The following PRICKLE2 variants were observed in gnomAD, a reference collection of about 807,000 sequenced individuals.
The protein encoded by PRICKLE2 is prickle-like protein 2.
PRICKLE2 carries 21 observed loss-of-function variants against 81.4 expected under a neutral mutation model. The observed-to-expected ratio is 0.26, with a 90% CI of 0.18 to 0.37. The LOEUF (loss-of-function observed/expected upper bound fraction) is 0.37, where lower values mean the gene tolerates loss of function less well. PRICKLE2 is among the 10% of genes least tolerant of loss of function. PRICKLE2 has a pLI of 1.00. For synonymous variants in PRICKLE2, 456 were observed against 421.5 expected (o/e 1.08, Z -1.00); for missense variants, 940 against 1,109.0 (o/e 0.85, Z 2.16).
intron 1 of PRICKLE2, among the ~76,000 whole-genome samples, chr3:64,204,407 T>C (rs2107125407): frequency 6.6e-6 from 1 of 152,300 alleles, no homozygotes; most frequent in Non-Finnish European, 1.5e-5. Flanking sequence ...AAGTGGCTTG[T>C]AAGCAGTTAA....
At chr3:64,214,179 A>G (rs745977184) in intron 1 of PRICKLE2, among the ~76,000 whole-genome samples, 2 of 152,162 alleles carry the variant, frequency 1.3e-5, no homozygotes, top group Non-Finnish European at 2.9e-5. Flanking sequence ...GATTCTGGCA[A>G]TGGTCACACC....
chr3:64,199,982 G>A (rs754107329), intron 1 of PRICKLE2: 2 of 152,156 alleles, frequency 1.3e-5, no homozygotes, highest in Non-Finnish European at 2.9e-5. Context: ...GCTTTGTGAA[G>A]ATACAATGTA....
intron 7 of PRICKLE2, among the ~76,000 whole-genome samples, chr3:64,121,159 A>G (rs1169181874): frequency 6.6e-6 from 1 of 152,152 alleles, no homozygotes; most frequent in East Asian, 1.9e-4. Context: ...CAGGGCCCTC[A>G]AATCTCTTTC....
chr3:64,175,004 G>T, intron 2 of PRICKLE2: 1 of 167,412 alleles, frequency 6.0e-6, no homozygotes. Flanking sequence ...CTAAAACGTG[G>T]AAGACACCCT....
chr3:64,225,361 C>G lies in PRICKLE2; in HGVS notation c.-492G>C. On this transcript the variant is annotated 5_prime_UTR_variant, in exon 1 of 8. Transcript: ENST00000638394. ...CAGACCCGGGGTGACTAGTCAGCTG[C>G]TCACAGAGCTCAAGCCACTGAACCA... The G allele has an allele frequency of 2.0e-6, 2 of 985,326 alleles. No individual in the cohort carries two copies. Among genetic ancestry groups the G allele is most frequent in the African/African-American group, 1.7e-5 (1 of 57,298 alleles). The allele number at this position is 985,326 out of a possible 1,614,324, so 61.0% of individuals were successfully genotyped here.
chr3:64,193,385 A>C (rs977719826), intron 2 of PRICKLE2, among the ~76,000 whole-genome samples: 2 of 152,092 alleles, frequency 1.3e-5, no homozygotes, highest in African/African-American at 4.8e-5. Flanking sequence ...CCCTCTCCCA[A>C]ACATACATTT....
intron 7 of PRICKLE2, chr3:64,102,854 T>C (rs2076690235): frequency 1.3e-5 from 2 of 152,158 alleles, no homozygotes; most frequent in African/African-American, 4.8e-5. Flanking sequence ...ATGGTGATAA[T>C]GTGGGAGAAG....
At chr3:64,194,131 A>C (rs1389847492) in intron 2 of PRICKLE2, 3 of 152,218 alleles carry the variant, frequency 2.0e-5, no homozygotes, top group Admixed American at 6.5e-5. Flanking sequence ...TTTAGAGAAC[A>C]AAAAGCTGAC....
intron 2 of PRICKLE2, among the ~76,000 whole-genome samples, chr3:64,233,440 C>T (rs535878241): frequency 2.2e-4 from 34 of 152,348 alleles, no homozygotes; most frequent in African/African-American, 7.5e-4. Flanking sequence ...GCTACTGTCT[C>T]CCTTCCTGTC....
chr3:64,115,197 G>A (rs2076915482), intron 7 of PRICKLE2, among the ~76,000 whole-genome samples: 3 of 152,166 alleles, frequency 2.0e-5, no homozygotes, highest in Admixed American at 2.0e-4. Flanking sequence ...GCTCCTGAAG[G>A]AAGTACTTAA....
At chr3:64,230,952 C>A (rs1298605312) in intron 2 of PRICKLE2, among the ~76,000 whole-genome samples, 2 of 152,156 alleles carry the variant, frequency 1.3e-5, no homozygotes, top group Non-Finnish European at 2.9e-5. Flanking sequence ...AGGACAAGCA[C>A]CCCCTCAAGC....
intron 4 of PRICKLE2, 87 bp from the exon 5 acceptor site, chr3:64,157,452 C>T: frequency 7.4e-7 from 1 of 1,356,710 alleles, no homozygotes; most frequent in Non-Finnish European, 1.0e-6. Context: ...CCACCATTAG[C>T]TGGCTACTGA....
chr3:64,142,150 C>T (rs930679458), intron 7 of PRICKLE2, among the ~76,000 whole-genome samples: 9 of 152,100 alleles, frequency 5.9e-5, no homozygotes, highest in South Asian at 2.1e-4. Context: ...AATGATGAAG[C>T]TGTGCTTAGA....
intron 1 of PRICKLE2, chr3:64,199,276 A>G: frequency 1.9e-6 from 1 of 516,654 alleles, no homozygotes; most frequent in Non-Finnish European, 3.5e-6. Context: ...TTTTTATTTT[A>G]CTAGGTAGAC....
chr3:64,110,168 C>G (rs942564711), intron 7 of PRICKLE2, among the ~76,000 whole-genome samples: 3 of 152,204 alleles, frequency 2.0e-5, no homozygotes, highest in African/African-American at 4.8e-5. Context: ...CAAATTCAGA[C>G]CAGTTGAAGA....
At chr3:64,226,985 A>C (rs986013733), upstream of PRICKLE2, among the ~76,000 whole-genome samples, 1 of 152,206 alleles carries the variant, frequency 6.6e-6, no homozygotes, top group Non-Finnish European at 1.5e-5. Flanking sequence ...TGGGGAACCC[A>C]CTCTGATGAG....
intron 6 of PRICKLE2, among the ~76,000 whole-genome samples, chr3:64,152,042 C>G (rs1423614904): frequency 1.3e-5 from 2 of 152,182 alleles, no homozygotes; most frequent in African/African-American, 4.8e-5. Context: ...GCTGTCTTGT[C>G]CACAAAGCCA....
intron 2 of PRICKLE2, among the ~76,000 whole-genome samples, chr3:64,250,946 G>A (rs1184983207): frequency 6.6e-6 from 1 of 152,130 alleles, no homozygotes; most frequent in African/African-American, 2.4e-5. Context: ...CTTTGCAGGA[G>A]CACCCTCAGC....
At chr3:64,163,334 G>T in intron 2 of PRICKLE2, 1 of 610,262 alleles carries the variant, frequency 1.6e-6, no homozygotes, top group Non-Finnish European at 2.9e-6. Context: ...ATCCATATCT[G>T]GGATTTTTCC....
Sources: gnomAD v4.1 joint callset for allele counts (sites outside exome capture counted in the v4.1 genomes callset) on GRCh38, gnomAD v4.1.1 for gene constraint, MANE v1.5 for transcripts, NCBI Gene and HGNC (gene_info 2026-07-23, HGNC 2026-07-21) for gene names.